Variants in VPS13C observed in about 807,000 individuals in gnomAD.
The protein encoded by VPS13C is intermembrane lipid transfer protein VPS13C.
Under a neutral mutation model 456.8 loss-of-function variants are expected in VPS13C, and 358 were observed. That is an observed-to-expected ratio of 0.78 (90% confidence interval 0.72 to 0.86). The LOEUF is 0.86. Among genes scored for constraint, VPS13C ranks in the 40% least tolerant of loss-of-function variants. VPS13C has a pLI of 0.00. For missense variants in VPS13C, 4,818 were observed against 4,385.4 expected (o/e 1.10, Z -2.79); for synonymous variants, 1,578 against 1,486.7 (o/e 1.06, Z -1.41).
chr15:61,856,504 T>C, intron 82 of VPS13C, 95 bp from the exon 83 acceptor site: 1 of 1,450,410 alleles, frequency 6.9e-7, no homozygotes, highest in African/African-American at 1.5e-5. Context: ...AGGTAGCACT[T>C]GCTTAGTAAA....
chr15:62,009,629 C>A (rs535764026), intron 13 of VPS13C, among the ~76,000 whole-genome samples: 58 of 152,098 alleles, frequency 3.8e-4, no homozygotes, highest in African/African-American at 1.4e-3. Context: ...ATTGTTAACA[C>A]AGCTACTAGA....
chr15:62,027,536 T>C (rs991951525), intron 6 of VPS13C, among the ~76,000 whole-genome samples: 2 of 152,126 alleles, frequency 1.3e-5, no homozygotes, highest in Admixed American at 6.5e-5. Flanking sequence ...ATCTGTCACA[T>C]GAATCAACCT....
At chr15:62,014,741 C>T (rs2140525349) in intron 9 of VPS13C, among the ~76,000 whole-genome samples, 1 of 152,184 alleles carries the variant, frequency 6.6e-6, no homozygotes, top group East Asian at 1.9e-4. Flanking sequence ...AAGGTAGGTA[C>T]TACTTCAGTG....
In VPS13C at chr15:61,929,481, G is replaced by T; in HGVS notation, c.6286+20C>A. The T allele has an allele frequency of 1.2e-6, 2 of 1,606,562 alleles. No individual in the cohort carries two copies. The highest frequency in any genetic ancestry group is 2.2e-5 in the South Asian group (2 of 90,082). On this transcript the variant is annotated intron_variant, in intron 51 of 84. Transcript: ENST00000644861. ...TCAAAATATACAAGTTGTCATCTAT[G>T]ACAGATAAATTCTGCTAACCTTTCT...
In VPS13C at chr15:61,878,923, C is replaced by A. The variant is rs368004181; in HGVS notation, c.10003-177G>T. 7.2e-5 allele frequency among the ~76,000 whole-genome samples: 11 copies of A among 152,106 alleles called. No homozygotes were observed. The South Asian group carries it at 2.3e-3, about 32-fold the overall frequency. ...ACCCACTTACATTTGATTCTCTTTG[C>A]TTTTTGATAGAATACAAATTAGTCT... On this transcript the variant is annotated intron_variant, in intron 73 of 84. Coordinates refer to ENST00000644861, the MANE Select transcript of VPS13C (RefSeq NM_020821.3).
At chr15:61,905,747 T>C (rs1224489802) in intron 66 of VPS13C, among the ~76,000 whole-genome samples, 1 of 152,140 alleles carries the variant, frequency 6.6e-6, no homozygotes, top group Non-Finnish European at 1.5e-5. Flanking sequence ...CTGATTTGAG[T>C]TCTACTAATT....
chr15:61,920,404 A>C (rs1161353054), intron 56 of VPS13C, 73 bp from the exon 57 acceptor site: 1 of 1,499,620 alleles, frequency 6.7e-7, no homozygotes, highest in Non-Finnish European at 8.9e-7. Context: ...TACCATAATT[A>C]CACATTTTTT....
At chr15:62,030,284 T>C (rs2047770055) in intron 5 of VPS13C, among the ~76,000 whole-genome samples, 1 of 152,120 alleles carries the variant, frequency 6.6e-6, no homozygotes, top group South Asian at 2.1e-4. Flanking sequence ...TCATAGTACA[T>C]TGATATGATT....
rs1041518982 is a variant in VPS13C, at chr15:61,937,753, C to T, written c.5602-1003G>A. ...CCTCCCAAAGTGCTGGGATTACAGG[C>T]GTGATCAAGTTTCTTAATCTCTAAA... On this transcript the variant is annotated intron_variant, in intron 47 of 84. Transcript: ENST00000644861. 2.6e-5 allele frequency among the ~76,000 whole-genome samples: 4 copies of T among 152,164 alleles called. No homozygotes were observed. In the East Asian group the frequency reaches 7.7e-4, roughly 29 times the overall value.
chr15:61,894,011 A>G (rs571352750), intron 66 of VPS13C, among the ~76,000 whole-genome samples: 100 of 152,270 alleles, frequency 6.6e-4, no homozygotes, highest in Non-Finnish European at 1.3e-3. Context: ...GGGCATTATA[A>G]AAGAATCAGA....
At chr15:61,991,887 T>A in intron 16 of VPS13C, 85 bp from the exon 17 acceptor site, 1 of 1,414,468 alleles carries the variant, frequency 7.1e-7, no homozygotes, top group Non-Finnish European at 9.5e-7. Flanking sequence ...AAACAATGGT[T>A]CTTTTTTTTT....
Position 61,959,443 on chromosome 15 carries a change from C to T in VPS13C, c.4056+5G>A. ...ATGAAGTTTTTTCTTCACTCATATA[C>T]TTACATTCATTGAATCAAGATGTCC... On this transcript the variant is annotated splice_donor_5th_base_variant and intron_variant, in intron 36 of 84. Coordinates refer to ENST00000644861, the MANE Select transcript of VPS13C (RefSeq NM_020821.3). The T allele has an allele frequency of 6.2e-7, 1 of 1,607,106 alleles. No individual in the cohort carries two copies. Among genetic ancestry groups the T allele is most frequent in the Non-Finnish European group, 8.5e-7 (1 of 1,175,668 alleles).
intron 16 of VPS13C, among the ~76,000 whole-genome samples, chr15:61,995,450 T>C (rs2046351223): frequency 6.6e-6 from 1 of 152,212 alleles, no homozygotes; most frequent in South Asian, 2.1e-4. Context: ...GCAACTAGTT[T>C]CTAAACAATA....
Position 61,878,754 on chromosome 15 carries a change from A to G in VPS13C, c.10003-8T>C, listed in dbSNP as rs867844415. On this transcript the variant is annotated splice_polypyrimidine_tract_variant and splice_region_variant and intron_variant, in intron 73 of 84. Coordinates refer to ENST00000644861, the MANE Select transcript of VPS13C (RefSeq NM_020821.3). ...AGACAAACTCAAATGCAACTAAAAG[A>G]AAAATAATGTTCAATAAATGAAAGC... 9 of 1,600,714 alleles carry G rather than the reference A, an allele frequency of 5.6e-6. No individual in the cohort carries two copies. The Middle Eastern group carries it at 1.5e-3, about 267-fold the overall frequency.
chr15:62,015,805 G>T (rs1432117935), intron 9 of VPS13C, among the ~76,000 whole-genome samples: 2 of 122,426 alleles, frequency 1.6e-5, no homozygotes, highest in Non-Finnish European at 3.4e-5. Context: ...AGGGGGGAGG[G>T]ATAGCATTGG....
At chr15:62,035,776 G>T (rs2047975249) in intron 3 of VPS13C, among the ~76,000 whole-genome samples, 1 of 151,852 alleles carries the variant, frequency 6.6e-6, no homozygotes, top group African/African-American at 2.4e-5. Flanking sequence ...GTTCTCTCTT[G>T]GAAACAATGG....
chr15:61,947,059 T>A (rs551212370), intron 43 of VPS13C, 134 bp downstream of exon 43: 58 of 578,960 alleles, frequency 1.0e-4, no homozygotes, highest in Non-Finnish European at 1.4e-4. Flanking sequence ...TTAAAGCACA[T>A]CTTTGAAAAG....
chr15:61,964,008 T>C (rs1275611175), intron 31 of VPS13C, 57 bp from the exon 32 acceptor site: 14 of 1,139,816 alleles, frequency 1.2e-5, no homozygotes, highest in Admixed American at 2.0e-5. Context: ...CTACATTCTT[T>C]TAAGGTTTAT....
chr15:61,988,334 C>T (rs907277337), intron 18 of VPS13C, among the ~76,000 whole-genome samples: 5 of 152,136 alleles, frequency 3.3e-5, no homozygotes, highest in Middle Eastern at 3.2e-3. Context: ...GATCTGTGCA[C>T]TTTATTGTAT....
Sources: gnomAD v4.1 joint callset for allele counts (sites outside exome capture counted in the v4.1 genomes callset) on GRCh38, gnomAD v4.1.1 for gene constraint, MANE v1.5 for transcripts, NCBI Gene and HGNC (gene_info 2026-07-23, HGNC 2026-07-21) for gene names.